The following ANTXR1 variants were observed in gnomAD, a reference collection of about 807,000 sequenced individuals.
ANTXR1 encodes anthrax toxin receptor 1.
A neutral mutation model predicts 78.1 loss-of-function variants in ANTXR1; 19 were observed. The observed-to-expected ratio is 0.24, with a 90% CI of 0.17 to 0.36. The LOEUF (loss-of-function observed/expected upper bound fraction) is 0.36, where lower values mean the gene tolerates loss of function less well. Ranked by LOEUF, ANTXR1 falls within the 10% of genes least tolerant of loss-of-function variation. The pLI, the probability that ANTXR1 is intolerant of heterozygous loss-of-function variation, is 1.00. For missense variants in ANTXR1, 518 were observed against 718.6 expected, an observed-to-expected ratio of 0.72 and a Z score of 3.19; for synonymous variants, 273 against 260.5, an observed-to-expected ratio of 1.05 and a Z score of -0.46.
intron 13 of ANTXR1, among the ~76,000 whole-genome samples, chr2:69,154,400 G>C (rs1673472808): frequency 6.6e-6 from 1 of 152,084 alleles, no homozygotes; most frequent in African/African-American, 2.4e-5. Context: ...AAAACTACTT[G>C]CTGATCACTT....
chr2:69,180,607 A>T (rs1023751242), intron 14 of ANTXR1, among the ~76,000 whole-genome samples: 6 of 152,228 alleles, frequency 3.9e-5, no homozygotes, highest in Non-Finnish European at 1.5e-5. Context: ...GCTTTATTTG[A>T]GTCATCTTAT....
At chr2:69,058,380 T>C (rs1670131124) in intron 3 of ANTXR1, among the ~76,000 whole-genome samples, 1 of 152,156 alleles carries the variant, frequency 6.6e-6, no homozygotes, top group Non-Finnish European at 1.5e-5. Flanking sequence ...TAATGATCAT[T>C]TACCATTCTG....
intron 8 of ANTXR1, among the ~76,000 whole-genome samples, chr2:69,086,649 G>A (rs964550762): frequency 5.0e-5 from 5 of 100,808 alleles, no homozygotes; most frequent in Non-Finnish European, 8.4e-5. Flanking sequence ...AGGGGTGGGC[G>A]ATGGGGCGTA....
chr2:69,161,341 T>TA (rs953157514), intron 13 of ANTXR1, among the ~76,000 whole-genome samples: 19 of 152,188 alleles, frequency 1.2e-4, no homozygotes, highest in African/African-American at 4.3e-4. Flanking sequence ...GTCTCAGTCT[T>TA]AAGGGAGATG....
chr2:69,160,292 A>C (rs1673644530), intron 13 of ANTXR1, among the ~76,000 whole-genome samples: 1 of 151,926 alleles, frequency 6.6e-6, no homozygotes, highest in Non-Finnish European at 1.5e-5. Flanking sequence ...GATAACCCCC[A>C]ACCCCCATGC....
chr2:69,149,777 T>C (rs970121412), intron 12 of ANTXR1, among the ~76,000 whole-genome samples: 3 of 152,248 alleles, frequency 2.0e-5, no homozygotes, highest in Admixed American at 6.5e-5. Context: ...AGGTTTATTA[T>C]CTTCCTGTTA....
rs148157213 is a variant in ANTXR1, at chr2:69,119,194, G to A, written c.803-3823G>A. Among the ~76,000 whole-genome samples the A allele has an allele frequency of 7.9e-4, 120 of 152,324 alleles. No homozygotes were observed. The East Asian group carries it at 0.013, about 16-fold the overall frequency. On this transcript the variant is annotated intron_variant, in intron 10 of 17. Coordinates refer to ENST00000303714, the MANE Select transcript of ANTXR1 (RefSeq NM_032208.3). ...AGAGAGGAGTTGTCCAGAGGCAGCC[G>A]GAAGTGAGGCCAGGCGCTAACCCAG... is the stretch of plus-strand genomic sequence containing the variant.
chr2:69,081,912 G>A (rs1003364430), intron 8 of ANTXR1, among the ~76,000 whole-genome samples: 14 of 152,282 alleles, frequency 9.2e-5, no homozygotes, highest in Admixed American at 8.5e-4. Flanking sequence ...CCCTTTTATA[G>A]AAGTAGATAC....
intron 3 of ANTXR1, among the ~76,000 whole-genome samples, chr2:69,048,211 TA>T (rs1026833184): frequency 4.6e-5 from 7 of 151,472 alleles, no homozygotes; most frequent in Non-Finnish European, 5.9e-5. Flanking sequence ...ACTATTCATT[TA>T]AAAAAAAATA....
chr2:69,185,676 A>G (rs1166991107), intron 16 of ANTXR1, among the ~76,000 whole-genome samples: 1 of 152,228 alleles, frequency 6.6e-6, no homozygotes, highest in Non-Finnish European at 1.5e-5. Context: ...CCATGATTGC[A>G]CTGCGGTGAT....
At chr2:69,195,168 A>T (rs558388025) in intron 17 of ANTXR1, among the ~76,000 whole-genome samples, 1 of 146,686 alleles carries the variant, frequency 6.8e-6, no homozygotes, top group East Asian at 2.0e-4. Context: ...CTCTGTCTCA[A>T]AAAAAAAGAA....
chr2:69,195,318 G>C (rs1308617981), intron 17 of ANTXR1, among the ~76,000 whole-genome samples: 1 of 152,170 alleles, frequency 6.6e-6, no homozygotes, highest in East Asian at 1.9e-4. Flanking sequence ...TCTCCTGACT[G>C]TCCAGCATGA....
chr2:69,213,759 T>C (rs549680119), intron 17 of ANTXR1, among the ~76,000 whole-genome samples: 1 of 152,314 alleles, frequency 6.6e-6, no homozygotes, highest in South Asian at 2.1e-4. Flanking sequence ...TTTCAGAGTG[T>C]CGGGGCAACA....
At chr2:69,107,378 C>T (rs1671844192) in intron 10 of ANTXR1, among the ~76,000 whole-genome samples, 1 of 151,938 alleles carries the variant, frequency 6.6e-6, no homozygotes, top group East Asian at 1.9e-4. Context: ...TAGCTAGGAC[C>T]ACAGATGTGA....
At chr2:69,240,702 G>C (rs1000734256) in intron 17 of ANTXR1, among the ~76,000 whole-genome samples, 2 of 152,236 alleles carry the variant, frequency 1.3e-5, no homozygotes, top group Admixed American at 1.3e-4. Flanking sequence ...CAGGAATACA[G>C]TATAAAGAGG....
At chr2:69,088,175 C>A (rs1671114710) in intron 8 of ANTXR1, among the ~76,000 whole-genome samples, 1 of 152,108 alleles carries the variant, frequency 6.6e-6, no homozygotes, top group African/African-American at 2.4e-5. Context: ...TTATGACAAC[C>A]CCTGTTAGTG....
In ANTXR1 at chr2:69,120,220, G is replaced by A. The variant is rs1275198363; in HGVS notation, c.803-2797G>A. 2.0e-5 allele frequency among the ~76,000 whole-genome samples: 3 copies of A among 152,074 alleles called. No homozygotes were observed. In the East Asian group the frequency reaches 5.8e-4, roughly 29 times the overall value. On this transcript the variant is annotated intron_variant, in intron 10 of 17. Transcript: ENST00000303714. The stretch of plus-strand genomic sequence containing the variant: ...CATGTAATTTATTTAATATTATACT[G>A]AAAGTGAAAAACAGAATAGTTGTAT...
chr2:69,104,260 GT>G (rs777468155), intron 10 of ANTXR1, among the ~76,000 whole-genome samples: 108 of 152,144 alleles, frequency 7.1e-4, no homozygotes, highest in Non-Finnish European at 1.1e-3. Flanking sequence ...TTTGAAGGAG[GT>G]TATCTTGTTT....
At chr2:69,041,233 G>T (rs1293295654) in intron 2 of ANTXR1, among the ~76,000 whole-genome samples, 1 of 152,194 alleles carries the variant, frequency 6.6e-6, no homozygotes, top group Non-Finnish European at 1.5e-5. Flanking sequence ...GGAATTAAAA[G>T]GAACGAGACT....
Sources: gnomAD v4.1 joint callset for allele counts (sites outside exome capture counted in the v4.1 genomes callset) on GRCh38, gnomAD v4.1.1 for gene constraint, MANE v1.5 for transcripts, NCBI Gene and HGNC (gene_info 2026-07-23, HGNC 2026-07-21) for gene names.